RBM28: variants seen among roughly 807,000 people sequenced by gnomAD.
The protein encoded by RBM28 is RNA binding motif protein 28.
Under a neutral mutation model 98.3 loss-of-function variants are expected in RBM28, and 78 were observed. The observed-to-expected ratio is 0.79, with a 90% CI of 0.66 to 0.96. The LOEUF (loss-of-function observed/expected upper bound fraction) is 0.96, where lower values mean the gene tolerates loss of function less well. Ranked by LOEUF, RBM28 falls within the 40% of genes least tolerant of loss-of-function variation. The pLI is 0.00. For missense variants in RBM28, 838 were observed against 913.0 expected, an observed-to-expected ratio of 0.92 and a Z score of 1.06; for synonymous variants, 306 against 330.9, an observed-to-expected ratio of 0.92 and a Z score of 0.82.
rs58579696 is a variant in RBM28, at chr7:128,308,974, C to CAAAAAAAAAAAAAAAAAAAAAA, written c.*1822_*1823insTTTTTTTTTTTTTTTTTTTTTT. The CAAAAAAAAAAAAAAAAAAAAAA allele has an allele frequency of 5.4e-5, 4 of 73,772 alleles. 1 individual carries two copies. Among genetic ancestry groups the CAAAAAAAAAAAAAAAAAAAAAA allele is most frequent in the African/African-American group, 5.8e-5 (1 of 17,314 alleles). The allele number at this position is 73,772 out of a possible 1,614,324, so 4.6% of individuals were successfully genotyped here. A position where few individuals can be genotyped will look rare whatever the true frequency, so the allele number is the denominator to read the frequency against. ...CCTGGGCAACAGAGCAAGACTGTCT[C>CAAAAAAAAAAAAAAAAAAAAAA]AAAAAAAAAAAAAAAAAAGAAATAA... is the stretch of plus-strand genomic sequence containing the variant. On this transcript the variant is annotated 3_prime_UTR_variant, in exon 19 of 19. Coordinates refer to ENST00000223073, the MANE Select transcript of RBM28 (RefSeq NM_018077.3).
chr7:128,319,983 C>G (rs187745308), intron 14 of RBM28, among the ~76,000 whole-genome samples: 3 of 152,080 alleles, frequency 2.0e-5, no homozygotes, highest in Admixed American at 6.5e-5. Context: ...TTTGGGAGGC[C>G]GAGGCAGGCG....
chr7:128,320,987 G>A (rs1323137821), intron 14 of RBM28, among the ~76,000 whole-genome samples: 1 of 152,192 alleles, frequency 6.6e-6, no homozygotes, highest in Non-Finnish European at 1.5e-5. Flanking sequence ...CTAACATGGT[G>A]CAATCCCTTC....
chr7:128,328,582 GC>G (rs1195466128), intron 10 of RBM28, among the ~76,000 whole-genome samples: 1 of 152,140 alleles, frequency 6.6e-6, no homozygotes, highest in Non-Finnish European at 1.5e-5. Flanking sequence ...TTAATAGACC[GC>G]AAGGGATATC....
At position 128,339,623 on chromosome 7, in the gene RBM28, A is replaced by G; in HGVS notation, c.277+10T>C. ...GGGAGAAAAACTTCCTTCAATTACT[A>G]GAAACTCACCATTTTTCCCCTTTTC... On this transcript the variant is annotated intron_variant, in intron 2 of 18. Coordinates refer to ENST00000223073, the MANE Select transcript of RBM28 (RefSeq NM_018077.3). The G allele has an allele frequency of 1.2e-6, 2 of 1,613,506 alleles. No homozygotes were observed. Among genetic ancestry groups the G allele is most frequent in the South Asian group, 1.1e-5 (1 of 91,066 alleles).
rs1277258514 is a variant in RBM28, at chr7:128,302,593, TA to T, written c.*8203del. The T allele has an allele frequency of 6.6e-6, 1 of 152,092 alleles. No homozygotes were observed. The highest frequency in any genetic ancestry group is 1.5e-5 in the Non-Finnish European group (1 of 68,016). The allele number at this position is 152,092 out of a possible 1,614,324, so 9.4% of individuals were successfully genotyped here. A position where few individuals can be genotyped will look rare whatever the true frequency, so the allele number is the denominator to read the frequency against. On this transcript the variant is annotated 3_prime_UTR_variant, in exon 19 of 19. Coordinates refer to ENST00000223073, the MANE Select transcript of RBM28 (RefSeq NM_018077.3). ...AGCTACTGCCTAGGAAATCACAAAA[TA>T]AATGTATTCACTCCTCAGACTCTCT...
chr7:128,329,560 C>T (rs553628483), intron 10 of RBM28, among the ~76,000 whole-genome samples: 1 of 152,328 alleles, frequency 6.6e-6, no homozygotes, highest in Non-Finnish European at 1.5e-5. Context: ...AGAGGATTCA[C>T]AGCTTTTGCT....
At position 128,305,133 on chromosome 7, in the gene RBM28, C is replaced by G. The variant is rs529806471; in HGVS notation, c.*5664G>C. On this transcript the variant is annotated 3_prime_UTR_variant, in exon 19 of 19. Transcript: ENST00000223073. ...GAGATCATGCCACTGCACTCCAGCC[C>G]TGGGCAACAAGAATGAAACTCTGTC... 15 of 149,058 alleles carry G rather than the reference C, an allele frequency of 1.0e-4. No individual in the cohort carries two copies. In the East Asian group the frequency reaches 3.0e-3, roughly 30 times the overall value. 9.2% of individuals were successfully genotyped at this position (149,058 alleles called of 1,614,324 possible). A position where few individuals can be genotyped will look rare whatever the true frequency, so the allele number is the denominator to read the frequency against.
chr7:128,338,819 G>A lies in RBM28; in HGVS notation c.373-18C>T. 6.5e-7 allele frequency: 1 copy of A among 1,549,686 alleles called. No homozygotes were observed. Among genetic ancestry groups the A allele is most frequent in the Non-Finnish European group, 8.9e-7 (1 of 1,122,148 alleles). On this transcript the variant is annotated intron_variant, in intron 3 of 18. Transcript: ENST00000223073. ...TCTGAACACTGAAGCCAAAAGTGAA[G>A]AAAGAAAAAGAGAAACACAATCACA...
At chr7:128,343,239 G>A (rs1391781437) in intron 1 of RBM28, among the ~76,000 whole-genome samples, 3 of 152,102 alleles carry the variant, frequency 2.0e-5, no homozygotes, top group Non-Finnish European at 4.4e-5. Flanking sequence ...CAAATCGGGG[G>A]TCCACTACTT....
rs371559394 is a variant in RBM28, at chr7:128,335,504, T to C, written c.946+39A>G. Reference sequence around the variant, plus strand: ...CTCATTTCCGTAACTTCAGTAACTTTTTTAAAGTCTAAAGACATTTATGAA... The same window carrying C: ...CTCATTTCCGTAACTTCAGTAACTTCTTTAAAGTCTAAAGACATTTATGAA... On this transcript the variant is annotated intron_variant, in intron 8 of 18. Coordinates refer to ENST00000223073, the MANE Select transcript of RBM28 (RefSeq NM_018077.3). 45 of 1,613,596 alleles carry C rather than the reference T, an allele frequency of 2.8e-5. No homozygotes were observed. The African/African-American group carries it at 3.9e-4, about 14-fold the overall frequency.
chr7:128,313,683 G>A (rs952075067), intron 17 of RBM28, among the ~76,000 whole-genome samples: 1 of 152,210 alleles, frequency 6.6e-6, no homozygotes, highest in South Asian at 2.1e-4. Flanking sequence ...AATCCCCAGT[G>A]TTGAAGGCTG....
rs752596631 is a variant in RBM28, at chr7:128,318,044, G to A, written c.1626C>T (p.Tyr542=). 7.4e-6 allele frequency: 12 copies of A among 1,613,896 alleles called. No individual in the cohort carries two copies. The highest frequency in any genetic ancestry group is 2.2e-5 in the East Asian group (1 of 44,900). Residue 542 remains tyrosine (Y), a synonymous_variant, in exon 15 of 19, where the codon TAC becomes TAT. Transcript: ENST00000223073. ...CGTGCTCTTGGAACTCCGCAAAGGC[G>A]TAGCCCAGGGACTGACCCTTCATGT... ...HGNMKGQSLG[Y]AFAEFQEHEH...
At chr7:128,333,427 C>G in intron 8 of RBM28, 65 bp from the exon 9 acceptor site, 1 of 1,315,994 alleles carries the variant, frequency 7.6e-7, no homozygotes, top group Non-Finnish European at 1.1e-6. Context: ...AAAGAGCTAA[C>G]TTCTTAAGTA....
intron 16 of RBM28, among the ~76,000 whole-genome samples, chr7:128,316,347 G>A (rs1363020996): frequency 6.6e-6 from 1 of 152,214 alleles, no homozygotes; most frequent in Non-Finnish European, 1.5e-5. Context: ...AAAGTGAGTA[G>A]AGGCATTTTT....
chr7:128,307,503 A>G lies in RBM28; in HGVS notation c.*3294T>C, dbSNP rs1795889412. On this transcript the variant is annotated 3_prime_UTR_variant, in exon 19 of 19. Transcript: ENST00000223073. ...AGTACATTTTGAAGTATTTCGAAGAATGAATCACATGCCCTAACTTTATAA... is the reference window on the plus strand; with the variant it reads ...AGTACATTTTGAAGTATTTCGAAGAGTGAATCACATGCCCTAACTTTATAA... The G allele has an allele frequency of 6.6e-6, 1 of 150,622 alleles. No homozygotes were observed. The highest frequency in any genetic ancestry group is 1.9e-4 in the East Asian group (1 of 5,196). 9.3% of individuals were successfully genotyped at this position (150,622 alleles called of 1,614,324 possible). A position where few individuals can be genotyped will look rare whatever the true frequency, so the allele number is the denominator to read the frequency against.
At chr7:128,328,414 T>C (rs1312145582) in intron 10 of RBM28, among the ~76,000 whole-genome samples, 1 of 152,142 alleles carries the variant, frequency 6.6e-6, no homozygotes, top group Non-Finnish European at 1.5e-5. Context: ...TTCCAGGTAG[T>C]GAAATGGCAT....
intron 11 of RBM28, among the ~76,000 whole-genome samples, chr7:128,325,086 G>A (rs957840457): frequency 1.3e-5 from 2 of 152,040 alleles, no homozygotes; most frequent in African/African-American, 4.8e-5. Context: ...CTAAGCACCT[G>A]ACAAGAACAC....
chr7:128,335,996 C>CT lies in RBM28; in HGVS notation c.659dup (p.Lys221GlufsTer15). The CT allele has an allele frequency of 6.2e-7, 1 of 1,612,318 alleles. No individual in the cohort carries two copies. Among genetic ancestry groups the CT allele is most frequent in the South Asian group, 1.1e-5 (1 of 91,042 alleles). On this transcript the variant is annotated frameshift_variant, in exon 7 of 19. Coordinates refer to ENST00000223073, the MANE Select transcript of RBM28 (RefSeq NM_018077.3). LOFTEE classifies it high-confidence loss of function. ...CCATATCCTCTTCCTCTCTGCCCTTCTTTTTAACTGATTCCTGATGTTTAG... is the reference window on the plus strand; with the variant it reads ...CCATATCCTCTTCCTCTCTGCCCTTCTTTTTTAACTGATTCCTGATGTTTAG...
At position 128,301,551 on chromosome 7, in the gene RBM28, C is replaced by T. The variant is rs2116295711; in HGVS notation, c.*9246G>A. The stretch of plus-strand genomic sequence containing the variant: ...GCCTCAGCCCTTCTCTTGGTTCCTG[C>T]TTTTGTCTCTAGCCTTCCTAGAGTA... On this transcript the variant is annotated 3_prime_UTR_variant, in exon 19 of 19. Coordinates refer to ENST00000223073, the MANE Select transcript of RBM28 (RefSeq NM_018077.3). 1 of 152,572 alleles carries T rather than the reference C, an allele frequency of 6.6e-6. No homozygotes were observed. Among genetic ancestry groups the T allele is most frequent in the Middle Eastern group, 3.4e-3 (1 of 296 alleles). 9.5% of individuals were successfully genotyped at this position (152,572 alleles called of 1,614,324 possible). A position where few individuals can be genotyped will look rare whatever the true frequency, so the allele number is the denominator to read the frequency against.
Sources: gnomAD v4.1 joint callset for allele counts (sites outside exome capture counted in the v4.1 genomes callset) on GRCh38, gnomAD v4.1.1 for gene constraint, MANE v1.5 for transcripts, NCBI Gene and HGNC (gene_info 2026-07-23, HGNC 2026-07-21) for gene names.